DAB1: variants seen among roughly 807,000 people sequenced by gnomAD.
DAB1 encodes the protein disabled homolog 1.
A neutral mutation model predicts 64.6 loss-of-function variants in DAB1; 15 were observed. That is an observed-to-expected ratio of 0.23 (90% CI 0.16 to 0.36). The LOEUF (loss-of-function observed/expected upper bound fraction) is 0.36. Among genes scored for constraint, DAB1 ranks in the 10% least tolerant of loss-of-function variants. DAB1 has a pLI of 1.00. For synonymous variants in DAB1, 235 were observed against 251.9 expected, an observed-to-expected ratio of 0.93 and a Z score of 0.64; for missense variants, 596 against 706.7, an observed-to-expected ratio of 0.84 and a Z score of 1.78.
intron 4 of DAB1, among the ~76,000 whole-genome samples, chr1:58,320,052 C>T (rs1409627827): frequency 6.6e-6 from 1 of 152,226 alleles, no homozygotes; most frequent in Admixed American, 6.5e-5. Flanking sequence ...AGCTCATACT[C>T]TTTGCCAAAC....
chr1:58,208,808 T>G (rs1306779902), intron 4 of DAB1, among the ~76,000 whole-genome samples: 1 of 152,186 alleles, frequency 6.6e-6, no homozygotes, highest in Non-Finnish European at 1.5e-5. Context: ...GATCCAGTAG[T>G]GGGATTGCTG....
chr1:58,080,472 G>A (rs1189547612), intron 5 of DAB1, among the ~76,000 whole-genome samples: 1 of 152,154 alleles, frequency 6.6e-6, no homozygotes. Flanking sequence ...AGATTCCGCT[G>A]GATACAGACG....
intron 2 of DAB1, among the ~76,000 whole-genome samples, chr1:57,198,999 G>C (rs1447788930): frequency 6.6e-6 from 1 of 152,128 alleles, no homozygotes; most frequent in Non-Finnish European, 1.5e-5. Flanking sequence ...GCACCCCCAG[G>C]CCACTGGTCT....
intron 3 of DAB1, among the ~76,000 whole-genome samples, chr1:58,404,763 T>A (rs1644601273): frequency 6.6e-6 from 1 of 152,182 alleles, no homozygotes; most frequent in Admixed American, 6.5e-5. Context: ...TCCTCATATG[T>A]AACACACAGG....
chr1:57,315,303 G>A (rs373383972), intron 1 of DAB1, among the ~76,000 whole-genome samples: 9 of 152,084 alleles, frequency 5.9e-5, no homozygotes, highest in South Asian at 2.1e-4. Flanking sequence ...TTAATAATGT[G>A]TTTGCTCATT....
Position 57,442,686 on chromosome 1 carries a change from G to C in DAB1, n.626-151520C>G, listed in dbSNP as rs1314868133. Among the ~76,000 whole-genome samples the C allele has an allele frequency of 2.6e-5, 4 of 152,204 alleles. No individual in the cohort carries two copies. In the East Asian group the frequency reaches 7.7e-4, roughly 29 times the overall value. On this transcript the variant is annotated intron_variant and non_coding_transcript_variant, in intron 7 of 20. Coordinates refer to the DAB1 transcript ENST00000485760. Reference sequence around the variant, plus strand: ...GTTTTCATATTATGTTTTCCGGAGAGAGAAAGGGTGGAAAGACACAGCTGG... The same window carrying C: ...GTTTTCATATTATGTTTTCCGGAGACAGAAAGGGTGGAAAGACACAGCTGG...
intron 9 of DAB1, among the ~76,000 whole-genome samples, chr1:57,033,736 A>C (rs919028916): frequency 1.3e-5 from 2 of 152,232 alleles, no homozygotes; most frequent in Non-Finnish European, 2.9e-5. Context: ...TGTTTCTAGC[A>C]TAAGCAGATG....
At chr1:57,526,675 TAAGA>T (rs1186075582) in intron 7 of DAB1, among the ~76,000 whole-genome samples, 1 of 152,192 alleles carries the variant, frequency 6.6e-6, no homozygotes, top group Non-Finnish European at 1.5e-5. Flanking sequence ...TAGTGGTAAA[TAAGA>T]AAGATATATT....
At chr1:57,472,512 C>T (rs775774355) in intron 7 of DAB1, among the ~76,000 whole-genome samples, 16 of 152,194 alleles carry the variant, frequency 1.1e-4, no homozygotes, top group Non-Finnish European at 2.4e-4. Context: ...CTGATCTAAT[C>T]GGTTATGTTA....
intron 1 of DAB1, among the ~76,000 whole-genome samples, chr1:57,296,453 G>A (rs544737944): frequency 8.5e-5 from 13 of 152,178 alleles, no homozygotes; most frequent in African/African-American, 2.9e-4. Flanking sequence ...AAGAAACCAA[G>A]GTTTCTTGGG....
At chr1:58,261,361 T>A (rs946747744) in intron 4 of DAB1, among the ~76,000 whole-genome samples, 1 of 152,182 alleles carries the variant, frequency 6.6e-6, no homozygotes, top group African/African-American at 2.4e-5. Flanking sequence ...TGCAAATACC[T>A]AACTCTAGAA....
chr1:57,361,529 T>C (rs890919823), intron 1 of DAB1, among the ~76,000 whole-genome samples: 1 of 152,154 alleles, frequency 6.6e-6, no homozygotes, highest in African/African-American at 2.4e-5. Flanking sequence ...ACTGCCAATA[T>C]CTAAGGTAGA....
intron 4 of DAB1, among the ~76,000 whole-genome samples, chr1:57,129,776 C>T (rs543617767): frequency 9.2e-5 from 14 of 152,140 alleles, no homozygotes; most frequent in South Asian, 4.2e-4. Context: ...AATTCTGAAT[C>T]GTGGATATTT....
chr1:57,437,386 T>C (rs1685735716), intron 7 of DAB1, among the ~76,000 whole-genome samples: 1 of 152,246 alleles, frequency 6.6e-6, no homozygotes, highest in Non-Finnish European at 1.5e-5. Context: ...AACACAGTGA[T>C]GCAAATCACA....
In DAB1 at chr1:57,018,981, ACT is replaced by A. The variant is rs373526632; in HGVS notation, c.896-3552_896-3551del. On this transcript the variant is annotated intron_variant, in intron 11 of 14. Coordinates refer to ENST00000371236, the MANE Select transcript of DAB1 (RefSeq NM_001365792.1). ...GTCTAACCCTGATTTGCTCTTGGAGACTCAGTTCACTATCACCTCTGTTGGAT... is the reference window on the plus strand; with the variant it reads ...GTCTAACCCTGATTTGCTCTTGGAGACAGTTCACTATCACCTCTGTTGGAT... Among the ~76,000 whole-genome samples, 118 of 152,112 alleles carry A rather than the reference ACT, an allele frequency of 7.8e-4. 1 individual carries two copies. In the South Asian group the frequency reaches 0.024, roughly 31 times the overall value.
intron 4 of DAB1, among the ~76,000 whole-genome samples, chr1:58,247,625 T>C (rs1660606290): frequency 6.6e-6 from 1 of 152,216 alleles, no homozygotes; most frequent in South Asian, 2.1e-4. Flanking sequence ...ACCTGGAATG[T>C]GTCTTGTGCA....
intron 2 of DAB1, among the ~76,000 whole-genome samples, chr1:57,226,079 C>T (rs112052656): frequency 2.0e-5 from 3 of 152,202 alleles, no homozygotes; most frequent in African/African-American, 7.2e-5. Flanking sequence ...TCACTGGTTC[C>T]TCTTCATCTA....
At chr1:57,229,196 CTTT>C (rs34245893) in intron 2 of DAB1, among the ~76,000 whole-genome samples, 1 of 140,126 alleles carries the variant, frequency 7.1e-6, no homozygotes. Context: ...ACTTCTTCTT[CTTT>C]TTTTTTTTTT....
intron 5 of DAB1, among the ~76,000 whole-genome samples, chr1:58,009,921 C>T (rs546944918): frequency 1.8e-3 from 269 of 152,212 alleles, no homozygotes; most frequent in African/African-American, 6.2e-3. Context: ...GTATTAAATG[C>T]TTGGTTTTTA....
Sources: allele counts gnomAD v4.1 joint callset (sites outside exome capture counted in the v4.1 genomes callset), GRCh38; gene constraint gnomAD v4.1.1; transcripts MANE v1.5; gene names NCBI Gene and HGNC (gene_info 2026-07-23, HGNC 2026-07-21).